Variants in DNAI4 observed in about 807,000 individuals in gnomAD.
The protein encoded by DNAI4 is WD repeat domain 78.
In DNAI4, 85 loss-of-function variants were observed where a neutral mutation model predicts 105.8. That is an observed-to-expected ratio of 0.80 (90% CI 0.67 to 0.96). The LOEUF is 0.96. Ranked by LOEUF, DNAI4 falls within the 40% of genes least tolerant of loss-of-function variation. The probability of loss-of-function intolerance (pLI) is 0.00; values close to 1 mark genes in which losing one functional copy is unlikely to be tolerated. For missense variants in DNAI4, 1,014 were observed against 1,005.6 expected (o/e 1.01, Z -0.11); for synonymous variants, 352 against 331.5 (o/e 1.06, Z -0.67).
At chr1:66,866,306 C>CAAAAAAAAAAG (rs1195149615) in intron 6 of DNAI4, among the ~76,000 whole-genome samples, 1 of 113,680 alleles carries the variant, frequency 8.8e-6, no homozygotes, top group African/African-American at 3.3e-5. Flanking sequence ...GACTCTGTCT[C>CAAAAAAAAAAG]AAAAAAAAAA....
At chr1:66,920,521 C>T (rs3008855) in intron 1 of DNAI4, among the ~76,000 whole-genome samples, 118,507 of 152,020 alleles carry the variant, frequency 0.78, 46,530 homozygotes, top group East Asian at 0.88. Flanking sequence ...TTTTGGGCAT[C>T]GTGGATACCC....
chr1:66,901,818 G>A (rs1648845831), intron 2 of DNAI4, among the ~76,000 whole-genome samples: 1 of 152,160 alleles, frequency 6.6e-6, no homozygotes, highest in Admixed American at 6.6e-5. Context: ...AAAGGATATA[G>A]CTCTGTCATT....
intron 7 of DNAI4, among the ~76,000 whole-genome samples, chr1:66,851,192 G>C (rs1646389934): frequency 6.6e-6 from 1 of 151,684 alleles, no homozygotes; most frequent in East Asian, 1.9e-4. Context: ...GAAAGCAGGA[G>C]GGGCTATATC....
chr1:66,887,692 G>T (rs552520196), intron 4 of DNAI4, among the ~76,000 whole-genome samples: 5 of 151,954 alleles, frequency 3.3e-5, no homozygotes, highest in Non-Finnish European at 7.4e-5. Context: ...TACTACTACC[G>T]TCCAGAAGTG....
chr1:66,922,678 T>C (rs925837609), intron 1 of DNAI4, among the ~76,000 whole-genome samples: 3 of 152,120 alleles, frequency 2.0e-5, no homozygotes, highest in Admixed American at 2.0e-4. Context: ...ATGGTAAAAT[T>C]TGCTTATAGA....
At chr1:66,909,579 T>C (rs1649512047) in intron 1 of DNAI4, among the ~76,000 whole-genome samples, 1 of 152,006 alleles carries the variant, frequency 6.6e-6, no homozygotes, top group Non-Finnish European at 1.5e-5. Flanking sequence ...ACTTCTCTTT[T>C]CTATTTACAT....
chr1:66,822,338 A>T (rs773118219), intron 16 of DNAI4, 23 bp downstream of exon 16: 20 of 1,574,748 alleles, frequency 1.3e-5, no homozygotes, highest in Middle Eastern at 3.4e-4. Flanking sequence ...AATGACACAA[A>T]TTTTTTTACT....
At chr1:66,868,381 T>C (rs1213378917) in intron 6 of DNAI4, among the ~76,000 whole-genome samples, 1 of 152,230 alleles carries the variant, frequency 6.6e-6, no homozygotes, top group Non-Finnish European at 1.5e-5. Context: ...GCTAGCTGGT[T>C]AAACGTTGTA....
chr1:66,880,542 G>C (rs962339646), intron 4 of DNAI4, among the ~76,000 whole-genome samples: 2 of 152,178 alleles, frequency 1.3e-5, no homozygotes, highest in African/African-American at 4.8e-5. Flanking sequence ...CTCTGCCTTA[G>C]AGATTCGTGG....
At position 66,924,822 on chromosome 1, in the gene DNAI4, C is replaced by T. The variant is rs1422171573; in HGVS notation, c.10G>A (p.Gly4Ser). ...CGGGCCGAGGCTCCGGAATGTTTGC[C>T]GGGCGTCATGGCGACGGTGGAGCCC... is the stretch of plus-strand genomic sequence containing the variant. MTP[G>S]KHSGASARAA... Residue 4 changes from glycine (G) to serine (S), a missense_variant, in exon 1 of 17, where the codon GGC becomes AGC. Coordinates refer to ENST00000371026, the MANE Select transcript of DNAI4 (RefSeq NM_024763.5). 1.2e-6 allele frequency: 2 copies of T among 1,614,024 alleles called. No homozygotes were observed. Among genetic ancestry groups the T allele is most frequent in the East Asian group, 4.5e-5 (2 of 44,878 alleles).
chr1:66,862,387 C>T, intron 6 of DNAI4, 85 bp from the exon 7 acceptor site: 1 of 1,400,328 alleles, frequency 7.1e-7, no homozygotes, highest in Non-Finnish European at 9.8e-7. Context: ...ACAGAAAAAG[C>T]TAAGATAAGA....
chr1:66,850,823 A>G (rs1646381137), intron 7 of DNAI4, among the ~76,000 whole-genome samples: 1 of 151,940 alleles, frequency 6.6e-6, no homozygotes, highest in African/African-American at 2.4e-5. Context: ...TATGTAAATT[A>G]AATAATAAAA....
rs1299290723 is a variant in DNAI4, at chr1:66,892,971, A to G, written c.530+258T>C. ...AAGAGAAGAAAGAAAGAAAGAAAGA[A>G]AGAAAGAAAGAAAGAAAGAAAGAAA... On this transcript the variant is annotated intron_variant, in intron 3 of 16. Coordinates refer to ENST00000371026, the MANE Select transcript of DNAI4 (RefSeq NM_024763.5). Among the ~76,000 whole-genome samples the G allele has an allele frequency of 9.5e-5, 13 of 136,440 alleles. 2 individuals are homozygous for G. The highest frequency in any genetic ancestry group is 1.4e-4 in the Admixed American group (2 of 13,942). The allele number at this position is 136,440 out of a possible 152,430, so 89.5% of individuals were successfully genotyped here. A position where few individuals can be genotyped will look rare whatever the true frequency, so the allele number is the denominator to read the frequency against.
In DNAI4 at chr1:66,822,492, C is replaced by A; in HGVS notation, c.2365G>T (p.Ala789Ser). Residue 789 changes from alanine to serine, a missense_variant, in exon 16 of 17, where the codon GCT (alanine) becomes TCT (serine). By Grantham distance (99) the Ala-to-Ser change is moderately conservative (BLOSUM62 1). Coordinates refer to ENST00000371026, the MANE Select transcript of DNAI4 (RefSeq NM_024763.5). ...GTTGTGAACTTGATTCCAGGGTTAG[C>A]AGTATTCACAATCAGAGGGTCCAAA... ...STLDPLIVNT[A>S]NPGIKFTTIL... 1 of 1,610,044 alleles carries A rather than the reference C, an allele frequency of 6.2e-7. No homozygotes were observed.
chr1:66,889,798 T>A (rs1647439034), intron 4 of DNAI4, among the ~76,000 whole-genome samples: 1 of 152,188 alleles, frequency 6.6e-6, no homozygotes, highest in African/African-American at 2.4e-5. Context: ...TTCTATTACC[T>A]CATGTTTTAC....
chr1:66,882,641 G>A (rs1647098107), intron 4 of DNAI4, among the ~76,000 whole-genome samples: 1 of 151,606 alleles, frequency 6.6e-6, no homozygotes, highest in Admixed American at 6.6e-5. Context: ...TATTAGTGTG[G>A]TTCTATTTCT....
At chr1:66,871,982 A>AT (rs1180494268) in intron 5 of DNAI4, among the ~76,000 whole-genome samples, 1 of 152,094 alleles carries the variant, frequency 6.6e-6, no homozygotes, top group Non-Finnish European at 1.5e-5. Context: ...CTTATGAATA[A>AT]TTTTTTATAA....
At chr1:66,833,562 T>TA in intron 13 of DNAI4, 23 bp downstream of exon 13, 1 of 1,610,752 alleles carries the variant, frequency 6.2e-7, no homozygotes, top group Non-Finnish European at 8.5e-7. Context: ...TGTCCAGTGG[T>TA]AAATAAGAGT....
intron 3 of DNAI4, among the ~76,000 whole-genome samples, 172 bp downstream of exon 3, chr1:66,893,056 AG>A (rs376723404): frequency 0.024 from 2,170 of 88,846 alleles, 124 homozygotes; most frequent in African/African-American, 0.085. Flanking sequence ...AGAAAGAAAG[AG>A]AGAGAGAGAA....
Sources: gnomAD v4.1 joint callset for allele counts (sites outside exome capture counted in the v4.1 genomes callset) on GRCh38, gnomAD v4.1.1 for gene constraint, MANE v1.5 for transcripts, NCBI Gene and HGNC (gene_info 2026-07-23, HGNC 2026-07-21) for gene names.